The following HSD17B12 variants were observed in gnomAD, a reference collection of about 807,000 sequenced individuals.
HSD17B12 encodes the protein hydroxysteroid 17-beta dehydrogenase 12.
In HSD17B12, 32 loss-of-function variants were observed where a neutral mutation model predicts 39.3. That is an observed-to-expected ratio of 0.81 (90% CI 0.61 to 1.09). HSD17B12 has a LOEUF of 1.09. Ranked by LOEUF, HSD17B12 falls within the 50% of genes least tolerant of loss-of-function variation. HSD17B12 has a pLI of 0.00. For synonymous variants in HSD17B12, 150 were observed against 146.7 expected (o/e 1.02, Z -0.16); for missense variants, 342 against 382.9 (o/e 0.89, Z 0.89).
intron 8 of HSD17B12, among the ~76,000 whole-genome samples, chr11:43,839,057 ACATTGTTGAGG>A (rs988579334): frequency 6.6e-6 from 1 of 152,142 alleles, no homozygotes; most frequent in African/African-American, 2.4e-5. Flanking sequence ...ATCTTCAGAT[ACATTGTTGAGG>A]CATTGAATAC....
At chr11:43,715,221 T>C (rs1950109813) in intron 1 of HSD17B12, among the ~76,000 whole-genome samples, 1 of 152,086 alleles carries the variant, frequency 6.6e-6, no homozygotes, top group South Asian at 2.1e-4. Context: ...AAGGGAATGC[T>C]TCCAGTTTTT....
At chr11:43,677,388 CA>C (rs1479512022), upstream of HSD17B12, among the ~76,000 whole-genome samples, 1 of 152,116 alleles carries the variant, frequency 6.6e-6, no homozygotes, top group Non-Finnish European at 1.5e-5. Context: ...GAGAAGGAAA[CA>C]AAAACTCTTG....
chr11:43,666,948 T>G, the HSD17B12 span, among the ~76,000 whole-genome samples: 1 of 152,234 alleles, frequency 6.6e-6, no homozygotes, highest in East Asian at 1.9e-4. Flanking sequence ...TGTTTACTTT[T>G]TACTGCTTTT....
chr11:43,791,965 G>A (rs573523857), intron 3 of HSD17B12, among the ~76,000 whole-genome samples: 2 of 152,208 alleles, frequency 1.3e-5, no homozygotes, highest in South Asian at 4.2e-4. Context: ...TTTTCCAAGG[G>A]CAACATAAAA....
the HSD17B12 span, among the ~76,000 whole-genome samples, chr11:43,659,674 C>T: frequency 5.3e-5 from 8 of 152,140 alleles, no homozygotes; most frequent in African/African-American, 1.9e-4. Context: ...GAAAAGCAAG[C>T]TACACAAAAG....
intron 1 of HSD17B12, among the ~76,000 whole-genome samples, chr11:43,704,380 GA>G (rs560491072): frequency 1.6e-3 from 246 of 152,288 alleles, no homozygotes; most frequent in African/African-American, 5.9e-3. Context: ...ACTAAATACT[GA>G]ACGAACCTTG....
chr11:43,803,904 A>C (rs1950994043), intron 4 of HSD17B12, among the ~76,000 whole-genome samples: 1 of 152,196 alleles, frequency 6.6e-6, no homozygotes, highest in African/African-American at 2.4e-5. Context: ...TGAGTAAGCA[A>C]ACAATTGGTT....
At chr11:43,792,644 A>G (rs115969505) in intron 3 of HSD17B12, among the ~76,000 whole-genome samples, 5,219 of 147,732 alleles carry the variant, frequency 0.035, 326 homozygotes, top group African/African-American at 0.12. Context: ...AGACCCGTGT[A>G]TGACAGATGG....
chr11:43,623,495 C>T, the HSD17B12 span, among the ~76,000 whole-genome samples: 1 of 151,628 alleles, frequency 6.6e-6, no homozygotes, highest in African/African-American at 2.4e-5. Context: ...AAGACTTCGG[C>T]AAAATATAAT....
intron 6 of HSD17B12, among the ~76,000 whole-genome samples, chr11:43,816,689 T>C (rs951431959): frequency 6.6e-6 from 1 of 152,062 alleles, no homozygotes; most frequent in African/African-American, 2.4e-5. Context: ...TCTTTAGTTG[T>C]GATTTGTGAG....
chr11:43,753,819 C>T (rs1204541672), intron 2 of HSD17B12, among the ~76,000 whole-genome samples: 1 of 152,060 alleles, frequency 6.6e-6, no homozygotes, highest in Non-Finnish European at 1.5e-5. Context: ...GTAAAAGTCT[C>T]CCTCCTTCTA....
the HSD17B12 span, among the ~76,000 whole-genome samples, chr11:43,618,844 A>G: frequency 2.0e-5 from 3 of 152,066 alleles, no homozygotes; most frequent in African/African-American, 7.2e-5. Flanking sequence ...TACAACTTCT[A>G]AGCTGAATTG....
Position 43,711,075 on chromosome 11 carries a change from G to A in HSD17B12, c.160+30088G>A, listed in dbSNP as rs557942668. 5.3e-5 allele frequency among the ~76,000 whole-genome samples: 8 copies of A among 152,308 alleles called. No individual in the cohort carries two copies. The South Asian group carries it at 1.7e-3, about 32-fold the overall frequency. On this transcript the variant is annotated intron_variant, in intron 1 of 10. Transcript: ENST00000278353. ...CCCAAAGTGCTGGGATTACAGGCAT[G>A]AGCCACCGTACCTGGCCTAGCTGTC...
intron 7 of HSD17B12, among the ~76,000 whole-genome samples, chr11:43,837,564 G>C (rs913845719): frequency 6.6e-6 from 1 of 152,128 alleles, no homozygotes; most frequent in African/African-American, 2.4e-5. Context: ...AGAAATTCCT[G>C]GTAACTTTGA....
chr11:43,571,942 G>A, the HSD17B12 span, among the ~76,000 whole-genome samples: 1 of 152,178 alleles, frequency 6.6e-6, no homozygotes, highest in Non-Finnish European at 1.5e-5. Flanking sequence ...CGTGCTAATG[G>A]CTCAGCCTAT....
chr11:43,695,921 TG>T (rs1237222599), intron 1 of HSD17B12, among the ~76,000 whole-genome samples: 1 of 152,204 alleles, frequency 6.6e-6, no homozygotes, highest in Non-Finnish European at 1.5e-5. Context: ...CATGGAATTT[TG>T]TTTTACATAT....
chr11:43,624,026 G>A, the HSD17B12 span, among the ~76,000 whole-genome samples: 1 of 151,686 alleles, frequency 6.6e-6, no homozygotes, highest in Non-Finnish European at 1.5e-5. Flanking sequence ...TTGAACTGAA[G>A]AGTTGAAGCA....
chr11:43,590,263 C>T, the HSD17B12 span, among the ~76,000 whole-genome samples: 1 of 135,740 alleles, frequency 7.4e-6, no homozygotes, highest in African/African-American at 2.5e-5. Context: ...TCAATGATGA[C>T]CGCATAAGGG....
the HSD17B12 span, among the ~76,000 whole-genome samples, chr11:43,652,700 G>T: frequency 6.6e-6 from 1 of 152,218 alleles, no homozygotes; most frequent in Non-Finnish European, 1.5e-5. Flanking sequence ...AGATACATGG[G>T]GCGAGGTATG....
Sources: gnomAD v4.1 joint callset for allele counts (sites outside exome capture counted in the v4.1 genomes callset) on GRCh38, gnomAD v4.1.1 for gene constraint, MANE v1.5 for transcripts, NCBI Gene and HGNC (gene_info 2026-07-23, HGNC 2026-07-21) for gene names.